Variants in ALK observed in about 807,000 individuals in gnomAD.
ALK encodes the protein ALK receptor tyrosine kinase.
ALK carries 74 observed loss-of-function variants against 163.1 expected under a neutral mutation model. The observed-to-expected ratio is 0.45, with a 90% CI of 0.38 to 0.55. The LOEUF is 0.55. Ranked by LOEUF, ALK falls within the 20% of genes least tolerant of loss-of-function variation. The pLI is 0.00. For missense variants in ALK, 2,063 were observed against 2,105.3 expected, an observed-to-expected ratio of 0.98 and a Z score of 0.39; for synonymous variants, 960 against 843.2, an observed-to-expected ratio of 1.14 and a Z score of -2.40.
chr2:29,372,260 G>C lies in ALK; in HGVS notation c.1282+11472C>G, dbSNP rs568952236. On this transcript the variant is annotated intron_variant, in intron 5 of 28. Transcript: ENST00000389048. ...CCAAATGCCTTTAGCCTCCTGTATG[G>C]AGAGGCTCTGGAAGTACTACAGTGA... Among the ~76,000 whole-genome samples, 132 of 152,296 alleles carry C rather than the reference G, an allele frequency of 8.7e-4. 1 individual carries two copies. The highest frequency in any genetic ancestry group is 1.4e-3 in the Non-Finnish European group (97 of 68,020).
intron 1 of ALK, among the ~76,000 whole-genome samples, chr2:29,727,097 G>C (rs1487768161): frequency 3.3e-5 from 5 of 152,172 alleles, no homozygotes; most frequent in Admixed American, 3.3e-4. Flanking sequence ...CCAGGAAGTC[G>C]ACCTAGAAAC....
At chr2:29,913,258 G>A (rs1225279165) in intron 1 of ALK, among the ~76,000 whole-genome samples, 1 of 152,136 alleles carries the variant, frequency 6.6e-6, no homozygotes, top group African/African-American at 2.4e-5. Context: ...ATTTCCCTGG[G>A]AAAGGACCCA....
At chr2:29,506,535 G>T (rs58717911) in intron 4 of ALK, among the ~76,000 whole-genome samples, 1 of 151,826 alleles carries the variant, frequency 6.6e-6, no homozygotes, top group African/African-American at 2.4e-5. Flanking sequence ...TCATGAGGTC[G>T]GGAGATTGAG....
At chr2:29,574,021 C>T (rs4666251) in intron 3 of ALK, among the ~76,000 whole-genome samples, 8,337 of 151,034 alleles carry the variant, frequency 0.055, 268 homozygotes, top group South Asian at 0.078. Context: ...ACAAAGACCT[C>T]GAGGGAGGAG....
At chr2:29,724,582 AC>A (rs1679516225) in intron 1 of ALK, among the ~76,000 whole-genome samples, 1 of 152,194 alleles carries the variant, frequency 6.6e-6, no homozygotes, top group African/African-American at 2.4e-5. Flanking sequence ...AGTCTGAAAA[AC>A]AGAGATGTGA....
At chr2:29,883,515 C>G (rs962744597) in intron 1 of ALK, among the ~76,000 whole-genome samples, 3 of 152,208 alleles carry the variant, frequency 2.0e-5, no homozygotes, top group African/African-American at 7.2e-5. Flanking sequence ...GACTTGTCTA[C>G]CACTGTATCT....
chr2:29,720,515 GA>G (rs1446348603), intron 1 of ALK, among the ~76,000 whole-genome samples: 2 of 152,280 alleles, frequency 1.3e-5, no homozygotes, highest in East Asian at 3.9e-4. Flanking sequence ...TGAGGCTAGG[GA>G]GCTAATGTGG....
rs563441246 is a variant in ALK at position 29,596,190 on chromosome 2, C to T, written c.953-64074G>A. Among the ~76,000 whole-genome samples, 8 of 152,176 alleles carry T rather than the reference C, an allele frequency of 5.3e-5. No homozygotes were observed. The South Asian group carries it at 1.2e-3, about 24-fold the overall frequency. ...TCAGTTAAACCTACCTCTACCATATCCTTTGGCCAGATTTTTCTTTCCCTA... is the reference window on the plus strand; with the variant it reads ...TCAGTTAAACCTACCTCTACCATATTCTTTGGCCAGATTTTTCTTTCCCTA... On this transcript the variant is annotated intron_variant, in intron 3 of 28. Transcript: ENST00000389048.
rs77837954 is a variant in ALK, at chr2:29,201,321, C to T, written c.3939-3645G>A. 4.5e-3 allele frequency among the ~76,000 whole-genome samples: 679 copies of T among 152,244 alleles called. 9 individuals carry two copies. The highest frequency in any genetic ancestry group is 0.015 in the African/African-American group (641 of 41,550). ...GCAACTCAAATTTAACATGCCCAAA[C>T]GGAACTCCTTCTGAACCCACACCAT... On this transcript the variant is annotated intron_variant, in intron 26 of 28. Coordinates refer to ENST00000389048, the MANE Select transcript of ALK (RefSeq NM_004304.5).
intron 1 of ALK, among the ~76,000 whole-genome samples, chr2:29,794,959 G>A (rs556429861): frequency 6.6e-6 from 1 of 152,258 alleles, no homozygotes; most frequent in Non-Finnish European, 1.5e-5. Context: ...TTCAATTTGT[G>A]AAAGTTGTGA....
At chr2:29,878,509 G>A (rs1666778450) in intron 1 of ALK, among the ~76,000 whole-genome samples, 1 of 152,146 alleles carries the variant, frequency 6.6e-6, no homozygotes, top group Admixed American at 6.5e-5. Context: ...CCTAAGTTTT[G>A]TTCTTTTAGC....
rs1304972455 is a variant in ALK, at chr2:29,225,522, G to C, written c.3111C>G (p.Leu1037=). Residue 1037 remains leucine, a synonymous_variant, in exon 19 of 29, where the codon CTC becomes CTG. Coordinates refer to ENST00000389048, the MANE Select transcript of ALK (RefSeq NM_004304.5). ...PEPHLPLSLI[L]SVVTSALVAA... is the part of the protein sequence containing the mutation. Reference sequence around the variant, plus strand: ...CCACGAGGGCAGAGGTCACCACAGAGAGGATCAGCGAGAGTGGCAGGTGTG... The same window carrying C: ...CCACGAGGGCAGAGGTCACCACAGACAGGATCAGCGAGAGTGGCAGGTGTG... 1 of 1,613,358 alleles carries C rather than the reference G, an allele frequency of 6.2e-7. No homozygotes were observed. The highest frequency in any genetic ancestry group is 1.3e-5 in the African/African-American group (1 of 74,940).
chr2:29,513,098 C>G (rs1475879758), intron 4 of ALK, among the ~76,000 whole-genome samples: 1 of 151,422 alleles, frequency 6.6e-6, no homozygotes, highest in Admixed American at 6.6e-5. Flanking sequence ...AGATTCAATG[C>G]CGTCCCCATC....
rs565977453 is a variant in ALK at position 29,523,733 on chromosome 2, G to A, written c.1154+8182C>T. Among the ~76,000 whole-genome samples, 4 of 152,126 alleles carry A rather than the reference G, an allele frequency of 2.6e-5. No individual in the cohort carries two copies. In the South Asian group the frequency reaches 8.3e-4, roughly 32 times the overall value. On this transcript the variant is annotated intron_variant, in intron 4 of 28. Transcript: ENST00000389048. ...TACAGGTATTCACAGTTCTCTCATC[G>A]TCCTGGTGTTCAATCCATCAAACAT...
At chr2:29,433,243 G>C (rs1244200276) in intron 4 of ALK, among the ~76,000 whole-genome samples, 2 of 152,136 alleles carry the variant, frequency 1.3e-5, no homozygotes, top group African/African-American at 4.8e-5. Flanking sequence ...TCAAACTTTA[G>C]CATGCATAGA....
intron 1 of ALK, among the ~76,000 whole-genome samples, chr2:29,869,319 T>C (rs1666517436): frequency 6.6e-6 from 1 of 152,226 alleles, no homozygotes; most frequent in Non-Finnish European, 1.5e-5. Flanking sequence ...CTTGAATATA[T>C]ACCTTCCTTA....
chr2:29,833,315 T>C (rs1364451894), intron 1 of ALK, among the ~76,000 whole-genome samples: 7 of 152,202 alleles, frequency 4.6e-5, no homozygotes, highest in Admixed American at 3.3e-4. Flanking sequence ...ACATCAATAA[T>C]GCAGCAGCCT....
intron 1 of ALK, among the ~76,000 whole-genome samples, chr2:29,910,169 T>C (rs1421555520): frequency 6.6e-6 from 1 of 151,922 alleles, no homozygotes. Flanking sequence ...ATAATGAAGA[T>C]AGAAATAAAA....
chr2:29,888,093 G>A (rs1667030981), intron 1 of ALK, among the ~76,000 whole-genome samples: 1 of 152,120 alleles, frequency 6.6e-6, no homozygotes, highest in Non-Finnish European at 1.5e-5. Context: ...ACCTCTTAGA[G>A]GCTCGTGGGA....
Sources: allele counts gnomAD v4.1 joint callset (sites outside exome capture counted in the v4.1 genomes callset), GRCh38; gene constraint gnomAD v4.1.1; transcripts MANE v1.5; gene names NCBI Gene and HGNC (gene_info 2026-07-23, HGNC 2026-07-21).